The following KCNIP4 variants were observed in gnomAD, a reference collection of about 807,000 sequenced individuals.
The protein encoded by KCNIP4 is potassium voltage-gated channel interacting protein 4.
In KCNIP4, 12 loss-of-function variants were observed where a neutral mutation model predicts 34.0. That is an observed-to-expected ratio of 0.35 (90% CI 0.23 to 0.57). KCNIP4 has a LOEUF of 0.57. Ranked by LOEUF, KCNIP4 falls within the 20% of genes least tolerant of loss-of-function variation. The pLI is 0.83. For synonymous variants in KCNIP4, 124 were observed against 102.2 expected, an observed-to-expected ratio of 1.21 and a Z score of -1.29; for missense variants, 238 against 311.7, an observed-to-expected ratio of 0.76 and a Z score of 1.78.
At chr4:20,985,158 C>T (rs1736457106) in intron 1 of KCNIP4, among the ~76,000 whole-genome samples, 1 of 152,132 alleles carries the variant, frequency 6.6e-6, no homozygotes, top group South Asian at 2.1e-4. Flanking sequence ...ATATCTCAGA[C>T]CTCCAGGGTC....
intron 1 of KCNIP4, among the ~76,000 whole-genome samples, chr4:21,546,119 C>A (rs1319506250): frequency 1.3e-5 from 2 of 152,156 alleles, no homozygotes; most frequent in Middle Eastern, 3.4e-3. Flanking sequence ...AATTATAGGA[C>A]TAGATTTAAT....
chr4:20,897,755 G>T (rs1036783135), intron 1 of KCNIP4, among the ~76,000 whole-genome samples: 1 of 152,162 alleles, frequency 6.6e-6, no homozygotes, highest in African/African-American at 2.4e-5. Context: ...GGCCTCAGAA[G>T]GAAAGACGCC....
In KCNIP4 at chr4:21,757,227, GAAAGAAAGAAAGAAAGAAAGAAAAGA is replaced by G. The variant is rs1431166770; in HGVS notation, c.61+191318_61+191343del. Among the ~76,000 whole-genome samples, 73 of 23,304 alleles carry G rather than the reference GAAAGAAAGAAAGAAAGAAAGAAAAGA, an allele frequency of 3.1e-3. 5 individuals carry two copies. Among genetic ancestry groups the G allele is most frequent in the East Asian group, 0.024 (36 of 1,482 alleles). The allele number at this position is 23,304 out of a possible 152,430, so 15.3% of individuals were successfully genotyped here. A position where few individuals can be genotyped will look rare whatever the true frequency, so the allele number is the denominator to read the frequency against. The stretch of plus-strand genomic sequence containing the variant: ...AGAAAGAAAGAAAGAAAGAAAGAAA[GAAAGAAAGAAAGAAAGAAAGAAAAGA>G]AAAGAAAAGAAAAGAAAAGAAAAGA... On this transcript the variant is annotated intron_variant, in intron 1 of 8. Coordinates refer to ENST00000382152, the MANE Select transcript of KCNIP4 (RefSeq NM_025221.6).
intron 1 of KCNIP4, among the ~76,000 whole-genome samples, chr4:21,776,197 C>T (rs1400902089): frequency 2.0e-5 from 3 of 152,228 alleles, no homozygotes; most frequent in South Asian, 2.1e-4. Flanking sequence ...TCCCCTTCCC[C>T]GTGTGGCTCT....
intron 4 of KCNIP4, among the ~76,000 whole-genome samples, chr4:20,751,314 G>A (rs2149342937): frequency 6.6e-6 from 1 of 152,262 alleles, no homozygotes; most frequent in South Asian, 2.1e-4. Context: ...TTGATACATT[G>A]CAGGAAGAAA....
intron 1 of KCNIP4, among the ~76,000 whole-genome samples, chr4:21,525,145 T>C (rs1344477965): frequency 6.6e-6 from 1 of 152,202 alleles, no homozygotes; most frequent in Non-Finnish European, 1.5e-5. Flanking sequence ...ACCAAAAATA[T>C]CTCAAAAAGA....
intron 1 of KCNIP4, among the ~76,000 whole-genome samples, chr4:21,507,740 T>G (rs756756074): frequency 1.3e-5 from 2 of 152,196 alleles, no homozygotes; most frequent in Non-Finnish European, 2.9e-5. Flanking sequence ...TTACAAATTC[T>G]ACAAAGATAG....
intron 1 of KCNIP4, among the ~76,000 whole-genome samples, chr4:21,878,944 C>T (rs1002632897): frequency 2.0e-5 from 3 of 152,154 alleles, no homozygotes; most frequent in African/African-American, 7.2e-5. Context: ...AATACTTTCA[C>T]TTACTTATGA....
At chr4:20,780,804 C>A (rs73112221) in intron 3 of KCNIP4, among the ~76,000 whole-genome samples, 132 of 152,286 alleles carry the variant, frequency 8.7e-4, no homozygotes, top group Non-Finnish European at 1.8e-3. Flanking sequence ...CCAGCCATGC[C>A]TGATGCTGTA....
At position 21,592,895 on chromosome 4, in the gene KCNIP4, A is replaced by C. The variant is rs115778241; in HGVS notation, c.61+355676T>G. ...ACAATCTATGATTAGAGTGCCCCTT[A>C]GTTTCATTTCAAAGAGCATGAGGCT... is the stretch of plus-strand genomic sequence containing the variant. On this transcript the variant is annotated intron_variant, in intron 1 of 8. Coordinates refer to ENST00000382152, the MANE Select transcript of KCNIP4 (RefSeq NM_025221.6). Among the ~76,000 whole-genome samples the C allele has an allele frequency of 6.1e-3, 931 of 152,246 alleles. 14 individuals are homozygous for C. Among genetic ancestry groups the C allele is most frequent in the African/African-American group, 0.021 (875 of 41,580 alleles).
intron 1 of KCNIP4, among the ~76,000 whole-genome samples, chr4:21,727,144 A>T (rs904287945): frequency 1.3e-5 from 2 of 152,180 alleles, no homozygotes; most frequent in African/African-American, 4.8e-5. Flanking sequence ...AGGATCAAAC[A>T]CCCAATGTGA....
intron 1 of KCNIP4, among the ~76,000 whole-genome samples, chr4:21,841,879 G>A (rs370188415): frequency 2.0e-5 from 3 of 152,086 alleles, no homozygotes; most frequent in African/African-American, 4.8e-5. Context: ...CTGAAAACAA[G>A]TTATCACTTC....
intron 1 of KCNIP4, among the ~76,000 whole-genome samples, chr4:21,839,199 A>C (rs911684920): frequency 6.6e-6 from 1 of 152,190 alleles, no homozygotes; most frequent in Non-Finnish European, 1.5e-5. Context: ...CTATGTTCAC[A>C]AATAAAATGT....
intron 1 of KCNIP4, among the ~76,000 whole-genome samples, chr4:21,328,803 C>T (rs1715342752): frequency 6.6e-6 from 1 of 152,216 alleles, no homozygotes; most frequent in South Asian, 2.1e-4. Context: ...CAAAACAAAG[C>T]CCTTCCTACT....
chr4:21,736,397 C>T (rs1028146211), intron 1 of KCNIP4, among the ~76,000 whole-genome samples: 1 of 152,170 alleles, frequency 6.6e-6, no homozygotes, highest in Non-Finnish European at 1.5e-5. Flanking sequence ...TCTACTTAAA[C>T]ATCTTTAAAA....
chr4:21,024,743 A>G (rs1156350424), intron 1 of KCNIP4, among the ~76,000 whole-genome samples: 1 of 152,212 alleles, frequency 6.6e-6, no homozygotes, highest in Non-Finnish European at 1.5e-5. Flanking sequence ...GTGAATGTCA[A>G]GATGCTTAAT....
chr4:21,039,545 A>G (rs1425660547), intron 1 of KCNIP4, among the ~76,000 whole-genome samples: 1 of 152,114 alleles, frequency 6.6e-6, no homozygotes, highest in Non-Finnish European at 1.5e-5. Flanking sequence ...AAAATGTGCC[A>G]GATCCCCACC....
chr4:21,400,843 T>C (rs1723496319), intron 1 of KCNIP4, among the ~76,000 whole-genome samples: 1 of 152,118 alleles, frequency 6.6e-6, no homozygotes, highest in Non-Finnish European at 1.5e-5. Flanking sequence ...TAACTGGTGA[T>C]AGTTGCAGAT....
intron 1 of KCNIP4, among the ~76,000 whole-genome samples, chr4:21,332,074 A>G (rs1221395165): frequency 6.6e-6 from 1 of 152,078 alleles, no homozygotes; most frequent in East Asian, 1.9e-4. Context: ...AAAACAAGTG[A>G]TTCCAAGGAT....
Sources: allele counts gnomAD v4.1 joint callset (sites outside exome capture counted in the v4.1 genomes callset), GRCh38; gene constraint gnomAD v4.1.1; transcripts MANE v1.5; gene names NCBI Gene and HGNC (gene_info 2026-07-23, HGNC 2026-07-21).